Variants in CSGALNACT1 observed in about 807,000 individuals in gnomAD.
The protein encoded by CSGALNACT1 is beta4GalNAcT-1.
A neutral mutation model predicts 51.0 loss-of-function variants in CSGALNACT1; 52 were observed. The observed-to-expected ratio is 1.02, with a 90% CI of 0.82 to 1.29. CSGALNACT1 has a LOEUF of 1.29. Among genes scored for constraint, CSGALNACT1 ranks in the 50% most tolerant of loss-of-function variants. CSGALNACT1 has a pLI of 0.00. For missense variants in CSGALNACT1, 935 were observed against 679.2 expected, an observed-to-expected ratio of 1.38 and a Z score of -4.19; for synonymous variants, 341 against 254.4, an observed-to-expected ratio of 1.34 and a Z score of -3.24.
upstream of CSGALNACT1, among the ~76,000 whole-genome samples, chr8:19,685,935 G>T (rs989852617): frequency 1.3e-5 from 2 of 152,118 alleles, no homozygotes; most frequent in South Asian, 4.1e-4. Context: ...CTGATCACTT[G>T]TAAAACTTGG....
chr8:19,435,838 C>T (rs1416543006), intron 6 of CSGALNACT1, among the ~76,000 whole-genome samples: 1 of 152,094 alleles, frequency 6.6e-6, no homozygotes, highest in African/African-American at 2.4e-5. Context: ...ACATTTTGAC[C>T]ATGATCCTTA....
intron 3 of CSGALNACT1, among the ~76,000 whole-genome samples, chr8:19,575,230 A>T (rs80142952): frequency 0.024 from 3,590 of 152,114 alleles, 159 homozygotes; most frequent in African/African-American, 0.082. Context: ...TTGTGGTTTT[A>T]TTTTTTCCAA....
intron 1 of CSGALNACT1, among the ~76,000 whole-genome samples, chr8:19,628,648 A>G (rs911027481): frequency 2.0e-5 from 3 of 151,678 alleles, no homozygotes; most frequent in African/African-American, 7.3e-5. Flanking sequence ...GTCTTAATCA[A>G]TAGGCTTTTT....
At chr8:19,568,383 CT>C (rs1032707375) in intron 3 of CSGALNACT1, among the ~76,000 whole-genome samples, 1 of 152,112 alleles carries the variant, frequency 6.6e-6, no homozygotes, top group African/African-American at 2.4e-5. Context: ...GTATTATAAT[CT>C]TATGGGACCA....
intron 1 of CSGALNACT1, among the ~76,000 whole-genome samples, chr8:19,630,898 TC>T (rs1417075155): frequency 6.6e-6 from 1 of 152,062 alleles, no homozygotes; most frequent in Non-Finnish European, 1.5e-5. Context: ...CCCTACAGTT[TC>T]CCCCTTTTAT....
intron 5 of CSGALNACT1, among the ~76,000 whole-genome samples, chr8:19,442,372 T>C (rs1408985424): frequency 6.6e-6 from 1 of 152,112 alleles, no homozygotes. Context: ...ATATACACCA[T>C]GGAATACTAT....
Position 19,669,515 on chromosome 8 carries a change from G to A in CSGALNACT1, c.-544+12958C>T, listed in dbSNP as rs766068612. On this transcript the variant is annotated intron_variant, in intron 1 of 9. Coordinates refer to the CSGALNACT1 transcript ENST00000332246. ...CACCCAGGCTGGAGTGCAGTGGCAC[G>A]ACCTTCCTTCACTGCAACTTCTCCC... 7.9e-4 allele frequency among the ~76,000 whole-genome samples: 120 copies of A among 152,260 alleles called. 1 individual carries two copies. The highest frequency in any genetic ancestry group is 1.1e-3 in the Non-Finnish European group (75 of 68,008).
At position 19,505,278 on chromosome 8, in the gene CSGALNACT1, G is replaced by C; in HGVS notation, c.557C>G (p.Ser186Ter). 1.2e-6 allele frequency: 2 copies of C among 1,614,212 alleles called. No individual in the cohort carries two copies. The highest frequency in any genetic ancestry group is 1.7e-6 in the Non-Finnish European group (2 of 1,180,006). Residue 186 changes from serine (S) to a stop codon, truncating the protein, a stop_gained, in exon 4 of 10, where the codon TCA becomes TGA. Coordinates refer to ENST00000454498, the Ensembl canonical transcript of CSGALNACT1. LOFTEE classifies it high-confidence loss of function. ...AGGACTGTTCAGGGTCTCCAAGGCT[G>C]ATTCAATGGCTTCCACCAACTCATC... is the stretch of plus-strand genomic sequence containing the variant.
At chr8:19,453,627 G>A (rs191443340) in intron 5 of CSGALNACT1, among the ~76,000 whole-genome samples, 15 of 152,264 alleles carry the variant, frequency 9.9e-5, no homozygotes, top group Non-Finnish European at 2.1e-4. Flanking sequence ...AACAACAGAC[G>A]TTGGCCAGGT....
At chr8:19,435,112 G>T (rs549414081) in intron 6 of CSGALNACT1, among the ~76,000 whole-genome samples, 1 of 152,278 alleles carries the variant, frequency 6.6e-6, no homozygotes, top group African/African-American at 2.4e-5. Flanking sequence ...ATGCTTTCAT[G>T]TCCTTGCTCC....
At chr8:19,677,502 C>G (rs2060282823) in intron 1 of CSGALNACT1, among the ~76,000 whole-genome samples, 1 of 152,072 alleles carries the variant, frequency 6.6e-6, no homozygotes, top group East Asian at 1.9e-4. Context: ...GACAGATTAA[C>G]CAACATTAGA....
At chr8:19,504,002 G>A (rs1056762406) in intron 4 of CSGALNACT1, among the ~76,000 whole-genome samples, 2 of 152,246 alleles carry the variant, frequency 1.3e-5, no homozygotes, top group Admixed American at 1.3e-4. Context: ...TTGCCTGTAG[G>A]CCCATGAGAC....
chr8:19,678,816 G>A (rs2060382127), intron 1 of CSGALNACT1: 1 of 152,148 alleles, frequency 6.6e-6, no homozygotes. Flanking sequence ...GCATCCAAAA[G>A]GACAAGACCT....
intron 4 of CSGALNACT1, among the ~76,000 whole-genome samples, chr8:19,475,285 G>T (rs2069259828): frequency 6.6e-6 from 1 of 152,182 alleles, no homozygotes; most frequent in Non-Finnish European, 1.5e-5. Flanking sequence ...AAGACCTGAA[G>T]CTGAAGGGCC....
At chr8:19,716,122 T>G (rs1455363776) in intron 1 of CSGALNACT1, among the ~76,000 whole-genome samples, 1 of 152,160 alleles carries the variant, frequency 6.6e-6, no homozygotes, top group South Asian at 2.1e-4. Flanking sequence ...CTGCCAATCC[T>G]TCAATAATCC....
rs143685927 is a variant in CSGALNACT1 at position 19,740,444 on chromosome 8, C to T, written c.-297+17406G>A. Among the ~76,000 whole-genome samples, 821 of 152,308 alleles carry T rather than the reference C, an allele frequency of 5.4e-3. 7 individuals carry two copies. Among genetic ancestry groups the T allele is most frequent in the African/African-American group, 0.019 (775 of 41,556 alleles). On this transcript the variant is annotated intron_variant, in intron 1 of 1. Coordinates refer to the CSGALNACT1 transcript ENST00000517494. ...TCCAGGATGAAAGGACAGTGACGGG[C>T]GCACAGCAGAGGCTTCTTCAAATAA...
chr8:19,432,454 G>A lies in CSGALNACT1; in HGVS notation c.953+7376C>T, dbSNP rs553016292. On this transcript the variant is annotated intron_variant, in intron 6 of 9. Transcript: ENST00000454498. Reference sequence around the variant, plus strand: ...ATTTGGAGTTAAGATTATTAGATATGTAGATTAATGTTTTCCATCAAATTT... The same window carrying A: ...ATTTGGAGTTAAGATTATTAGATATATAGATTAATGTTTTCCATCAAATTT... 3.3e-5 allele frequency among the ~76,000 whole-genome samples: 5 copies of A among 152,214 alleles called. No homozygotes were observed. The South Asian group carries it at 1.0e-3, about 32-fold the overall frequency.
chr8:19,741,269 G>A (rs2064295574), intron 1 of CSGALNACT1, among the ~76,000 whole-genome samples: 1 of 152,144 alleles, frequency 6.6e-6, no homozygotes, highest in South Asian at 2.1e-4. Context: ...CCTCAGAGGT[G>A]AAAAGGGAGT....
intron 3 of CSGALNACT1, among the ~76,000 whole-genome samples, chr8:19,581,100 G>GAGTTTTCCAAAACTGATGAAAGGTATC (rs2045466347): frequency 6.6e-6 from 1 of 152,174 alleles, no homozygotes; most frequent in African/African-American, 2.4e-5. Context: ...TAGCTACAAG[G>GAGTTTTCCAAAACTGATGAAAGGTATC]AGTTTTCCAA....
Sources: gnomAD v4.1 joint callset for allele counts (sites outside exome capture counted in the v4.1 genomes callset) on GRCh38, gnomAD v4.1.1 for gene constraint, MANE v1.5 for transcripts, NCBI Gene and HGNC (gene_info 2026-07-23, HGNC 2026-07-21) for gene names.